SCN1A: variants seen among roughly 807,000 people sequenced by gnomAD.
SCN1A encodes the protein sodium channel protein type 1 subunit alpha.
SCN1A carries 13 observed loss-of-function variants against 193.7 expected under a neutral mutation model. That is an observed-to-expected ratio of 0.07 (90% confidence interval 0.04 to 0.11). The LOEUF is 0.11. Among genes scored for constraint, SCN1A ranks in the 10% least tolerant of loss-of-function variants. The probability of loss-of-function intolerance (pLI) is 1.00; values close to 1 mark genes in which losing one functional copy is unlikely to be tolerated. For missense variants in SCN1A, 1,432 were observed against 2,451.1 expected (o/e 0.58, Z 8.78); for synonymous variants, 781 against 843.6 (o/e 0.93, Z 1.29).
intron 2 of SCN1A, among the ~76,000 whole-genome samples, chr2:166,124,861 T>C (rs576699198): frequency 6.6e-6 from 1 of 152,302 alleles, no homozygotes; most frequent in South Asian, 2.1e-4. Flanking sequence ...CCTGTAAAAT[T>C]AACAATAGTA....
chr2:166,056,590 T>C, intron 5 of SCN1A, 90 bp from the exon 6 acceptor site: 1 of 883,300 alleles, frequency 1.1e-6, no homozygotes, highest in East Asian at 2.4e-5. Context: ...AAACTGCAGC[T>C]TAGCCAAAAT....
Position 166,041,418 on chromosome 2 carries a change from T to A in SCN1A, c.2228A>T (p.Asn743Ile). ...KCPPCWYKFSNIFLIWDCSPY... is the reference protein window; with the variant it reads ...KCPPCWYKFSIIFLIWDCSPY... The stretch of plus-strand genomic sequence containing the variant: ...AGAACAGTCCCAGATTAAGAATATG[T>A]TGGAAAATTTATACCAACAGGGTGG... Residue 743 changes from asparagine (N) to isoleucine (I), a missense_variant, in exon 16 of 29, where the codon AAC becomes ATC. Physicochemically the swap from Asn to Ile is moderately radical, Grantham distance 149. Transcript: ENST00000674923. 6.2e-7 allele frequency: 1 copy of A among 1,613,654 alleles called. No homozygotes were observed. The highest frequency in any genetic ancestry group is 8.5e-7 in the Non-Finnish European group (1 of 1,179,864).
At chr2:166,043,025 A>G (rs1237863452) in intron 14 of SCN1A, among the ~76,000 whole-genome samples, 1 of 152,212 alleles carries the variant, frequency 6.6e-6, no homozygotes, top group Non-Finnish European at 1.5e-5. Flanking sequence ...CCAAGTGAGT[A>G]AACAGTCTAA....
chr2:166,046,839 T>G lies in SCN1A; in HGVS notation c.1308A>C (p.Glu436Asp). 6.2e-7 allele frequency: 1 copy of G among 1,613,992 alleles called. No homozygotes were observed. The highest frequency in any genetic ancestry group is 8.5e-7 in the Non-Finnish European group (1 of 1,179,896). ...GAAATTCGGCCTCTTTCTGTTCTGC[T>G]TCTTCCAAGGTGGCCTGATTCTGTT... ...YEEQNQATLEEAEQKEAEFQQ... is the reference protein window; with the variant it reads ...YEEQNQATLEDAEQKEAEFQQ... The change falls in exon 12 of 29, where the codon GAA (glutamate) becomes GAC (aspartate). Residue 436 changes from glutamate to aspartate, a missense_variant. By Grantham distance (45) the Glu-to-Asp change is conservative. Around this residue, in one of 18 missense-constraint regions of SCN1A, gnomAD observed 58 missense variants for 103.4 expected, o/e 0.56. Transcript: ENST00000674923.
At position 166,073,734 on chromosome 2, in the gene SCN1A, C is replaced by A. The variant is rs186839723; in HGVS notation, c.-49-64G>T. The A allele has an allele frequency of 9.1e-6, 11 of 1,206,556 alleles. No individual in the cohort carries two copies. In the East Asian group the frequency reaches 2.5e-4, roughly 27 times the overall value. The allele number at this position is 1,206,556 out of a possible 1,614,324, so 74.7% of individuals were successfully genotyped here. On this transcript the variant is annotated intron_variant, in intron 3 of 28. Transcript: ENST00000674923. ...TAAGAGATGTTAATATAAATAAATTCTTGTCATGAAACATGAGCTAGAGGA... is the reference window on the plus strand; with the variant it reads ...TAAGAGATGTTAATATAAATAAATTATTGTCATGAAACATGAGCTAGAGGA...
At chr2:166,081,685 T>C (rs1685542102) in intron 2 of SCN1A, 1 of 151,810 alleles carries the variant, frequency 6.6e-6, no homozygotes, top group South Asian at 2.1e-4. Flanking sequence ...TAAGGTAATG[T>C]CTTGAGATTT....
intron 2 of SCN1A, among the ~76,000 whole-genome samples, chr2:166,110,406 G>A (rs1185974116): frequency 6.6e-6 from 1 of 152,154 alleles, no homozygotes; most frequent in East Asian, 1.9e-4. Context: ...TGCTACTCCA[G>A]TGAACACAAA....
At chr2:166,093,440 G>A (rs912590276) in intron 2 of SCN1A, among the ~76,000 whole-genome samples, 1 of 151,892 alleles carries the variant, frequency 6.6e-6, no homozygotes, top group African/African-American at 2.4e-5. Flanking sequence ...CCAGGTTCAC[G>A]CCATTCTCCT....
intron 2 of SCN1A, among the ~76,000 whole-genome samples, chr2:166,094,908 T>C (rs567637778): frequency 6.6e-6 from 1 of 151,496 alleles, no homozygotes; most frequent in East Asian, 1.9e-4. Context: ...AAAAACACAA[T>C]GCCAAAATCA....
rs1163360624 is a variant in SCN1A at position 166,039,563 on chromosome 2, G to A, written c.2449C>T (p.Leu817=). The change falls in exon 17 of 29, where the codon CTG becomes TTG. Residue 817 remains leucine, a synonymous_variant. Coordinates refer to ENST00000674923, the MANE Select transcript of SCN1A (RefSeq NM_001165963.4). ...FTGIFTAEMF[L]KIIAMDPYYY... ...TAAGGATCCATGGCAATAATTTTCA[G>A]AAACATTTCTGCTGTAAAGATCCCA... 1 of 1,613,752 alleles carries A rather than the reference G, an allele frequency of 6.2e-7. No individual in the cohort carries two copies. Among genetic ancestry groups the A allele is most frequent in the Non-Finnish European group, 8.5e-7 (1 of 1,179,928 alleles).
intron 4 of SCN1A, among the ~76,000 whole-genome samples, chr2:166,064,788 A>G (rs1372068772): frequency 1.3e-5 from 2 of 152,234 alleles, no homozygotes; most frequent in Non-Finnish European, 2.9e-5. Context: ...ACATTGCCAA[A>G]TAACAGGACT....
chr2:166,046,408 G>A (rs766087513), intron 12 of SCN1A, among the ~76,000 whole-genome samples: 10 of 152,074 alleles, frequency 6.6e-5, no homozygotes, highest in Admixed American at 1.3e-4. Flanking sequence ...AAGAACTAGA[G>A]GAGCAACTCT....
At chr2:166,101,510 TAAAAAAA>T (rs35742053) in intron 2 of SCN1A, among the ~76,000 whole-genome samples, 1 of 143,694 alleles carries the variant, frequency 7.0e-6, no homozygotes, top group Non-Finnish European at 1.5e-5. Flanking sequence ...AAAGTATAAT[TAAAAAAA>T]AAAAAAAACA....
chr2:166,009,790 C>T lies in SCN1A; in HGVS notation c.3931G>A (p.Ala1311Thr), dbSNP rs549152510. 60 of 1,607,448 alleles carry T rather than the reference C, an allele frequency of 3.7e-5. 2 individuals carry two copies. In the South Asian group the frequency reaches 6.6e-4, roughly 18 times the overall value. The change falls in exon 23 of 29, where the codon GCC becomes ACC. Residue 1311 changes from alanine (A) to threonine (T), a missense_variant. Ala to Thr is a moderately conservative substitution (Grantham distance 58). Around this residue, in one of 18 missense-constraint regions of SCN1A, gnomAD observed 107 missense variants for 259.4 expected, o/e 0.41. Transcript: ENST00000674923. Reference sequence around the variant, plus strand: ...CTTAGTGTCCTGAGAGATTTGATGGCTCCAAGTTCTGAGTAACCCAAGGCA... The same window carrying T: ...CTTAGTGTCCTGAGAGATTTGATGGTTCCAAGTTCTGAGTAACCCAAGGCA... ...ANALGYSELG[A>T]IKSLRTLRAL...
At chr2:166,123,697 A>C (rs553193510) in intron 2 of SCN1A, 68 of 152,270 alleles carry the variant, frequency 4.5e-4, no homozygotes, top group Non-Finnish European at 5.1e-4. Context: ...TTTTGTGAAA[A>C]TGACTGATTT....
intron 2 of SCN1A, among the ~76,000 whole-genome samples, chr2:166,113,607 T>C (rs752596316): frequency 3.3e-5 from 5 of 152,188 alleles, no homozygotes; most frequent in Non-Finnish European, 7.3e-5. Flanking sequence ...ACAGCTACTT[T>C]TAAAGTTTTG....
chr2:166,052,895 T>C lies in SCN1A; in HGVS notation c.651A>G (p.Thr217=). 6.2e-7 allele frequency: 1 copy of C among 1,612,592 alleles called. No homozygotes were observed. The highest frequency in any genetic ancestry group is 1.7e-5 in the Admixed American group (1 of 59,794). ...TCTTCAATGCTCGGAGAACTCTGAATGTTCTCAATGCCGAGACATTGCCCA... is the reference window on the plus strand; with the variant it reads ...TCTTCAATGCTCGGAGAACTCTGAACGTTCTCAATGCCGAGACATTGCCCA... ...VDLGNVSALR[T]FRVLRALKTI... is the part of the protein sequence containing the mutation. Residue 217 remains threonine (T), a synonymous_variant, in exon 8 of 29, where the codon ACA becomes ACG. Transcript: ENST00000674923.
At chr2:166,026,482 A>G (rs898960638) in intron 19 of SCN1A, among the ~76,000 whole-genome samples, 12 of 152,138 alleles carry the variant, frequency 7.9e-5, no homozygotes, top group African/African-American at 2.9e-4. Flanking sequence ...AAAATTCTAA[A>G]GAAATTCAAT....
At chr2:166,045,433 T>G (rs984262349) in intron 12 of SCN1A, 106 bp from the exon 13 acceptor site, 12 of 1,252,588 alleles carry the variant, frequency 9.6e-6, no homozygotes, top group Non-Finnish European at 1.4e-5. Context: ...TTGAACTGAC[T>G]GAAGATCATC....
Sources: allele counts gnomAD v4.1 joint callset (sites outside exome capture counted in the v4.1 genomes callset), GRCh38; gene constraint gnomAD v4.1.1; regional missense constraint gnomAD v4.1.1; transcripts MANE v1.5; gene names NCBI Gene and HGNC (gene_info 2026-07-23, HGNC 2026-07-21).